The following TBK1 variants were observed in gnomAD, a reference collection of about 807,000 sequenced individuals.
TBK1 encodes the protein serine/threonine-protein kinase TBK1.
TBK1 carries 37 observed loss-of-function variants against 99.9 expected under a neutral mutation model. The ratio of observed to expected loss-of-function variants is 0.37; its 90% CI spans 0.28 to 0.49. The LOEUF is 0.49. TBK1 is among the 20% of genes least tolerant of loss of function. TBK1 has a pLI of 0.98. For missense variants in TBK1, 644 were observed against 872.5 expected (o/e 0.74, Z 3.30); for synonymous variants, 258 against 279.8 (o/e 0.92, Z 0.78).
intron 6 of TBK1, among the ~76,000 whole-genome samples, chr12:64,475,506 A>C (rs981055065): frequency 2.0e-5 from 3 of 152,310 alleles, no homozygotes; most frequent in East Asian, 3.9e-4. Flanking sequence ...GGATAATTAC[A>C]AGAATTGATT....
chr12:64,489,881 C>G (rs892634173), intron 12 of TBK1, among the ~76,000 whole-genome samples, 160 bp from the exon 13 acceptor site: 2 of 151,450 alleles, frequency 1.3e-5, no homozygotes, highest in Non-Finnish European at 2.9e-5. Context: ...TGGCCGGCAT[C>G]AGGTTTTTTT....
At chr12:64,492,798 C>T (rs1165548156) in intron 13 of TBK1, among the ~76,000 whole-genome samples, 1 of 151,782 alleles carries the variant, frequency 6.6e-6, no homozygotes, top group Non-Finnish European at 1.5e-5. Context: ...TCTCGGCTCA[C>T]TGCTACCTCC....
intron 3 of TBK1, among the ~76,000 whole-genome samples, chr12:64,461,182 G>A (rs1379730672): frequency 2.7e-5 from 4 of 150,908 alleles, no homozygotes; most frequent in African/African-American, 9.7e-5. Flanking sequence ...ATTATAAAGA[G>A]AAAAAATAAT....
At chr12:64,496,338 A>T (rs2040924703) in intron 15 of TBK1, 29 bp from the exon 16 acceptor site, 3 of 1,042,592 alleles carry the variant, frequency 2.9e-6, no homozygotes, top group Non-Finnish European at 2.8e-6. Context: ...TTCTATATTA[A>T]CAACAGTAAT....
At chr12:64,496,301 G>T in intron 15 of TBK1, 66 bp from the exon 16 acceptor site, 1 of 813,170 alleles carries the variant, frequency 1.2e-6, no homozygotes, top group South Asian at 2.0e-5. Context: ...AATCTCAAAA[G>T]AAAATACATT....
chr12:64,471,320 C>T (rs2136067277), intron 5 of TBK1, among the ~76,000 whole-genome samples: 1 of 151,232 alleles, frequency 6.6e-6, no homozygotes, highest in Non-Finnish European at 1.5e-5. Context: ...AGGTGCACAC[C>T]ACCACACCTG....
At chr12:64,481,727 A>T (rs1293913745) in intron 7 of TBK1, 115 bp from the exon 8 acceptor site, 5 of 723,824 alleles carry the variant, frequency 6.9e-6, no homozygotes, top group Non-Finnish European at 9.8e-6. Flanking sequence ...TTTTAAATTA[A>T]TCTAATATAG....
At chr12:64,467,228 G>A (rs1270214250) in intron 5 of TBK1, 146 bp downstream of exon 5, 2 of 567,208 alleles carry the variant, frequency 3.5e-6, no homozygotes, top group Non-Finnish European at 5.5e-6. Flanking sequence ...GTGCAACATG[G>A]GAATTAGGTA....
intron 4 of TBK1, among the ~76,000 whole-genome samples, chr12:64,465,477 C>T (rs1205048291): frequency 1.3e-5 from 2 of 148,198 alleles, no homozygotes; most frequent in African/African-American, 2.5e-5. Context: ...CTCCAGTGTA[C>T]TTAGCAGCAT....
At position 64,471,174 on chromosome 12, in the gene TBK1, T is replaced by C. The variant is rs58572977; in HGVS notation, c.541-3056T>C. Among the ~76,000 whole-genome samples, 422 of 151,814 alleles carry C rather than the reference T, an allele frequency of 2.8e-3. 1 individual carries two copies. The highest frequency in any genetic ancestry group is 9.9e-3 in the African/African-American group (407 of 41,218). ...ATTCTTCTACTGTTTTTTGTTTTTG[T>C]TGTTGTTGTTATTGTGACAGAGTCT... On this transcript the variant is annotated intron_variant, in intron 5 of 20. Coordinates refer to ENST00000331710, the MANE Select transcript of TBK1 (RefSeq NM_013254.4).
At position 64,495,786 on chromosome 12, in the gene TBK1, T is replaced by C; in HGVS notation, c.1720+11T>C. On this transcript the variant is annotated intron_variant, in intron 15 of 20. Coordinates refer to ENST00000331710, the MANE Select transcript of TBK1 (RefSeq NM_013254.4). ...ACAAAGCAGAACGTAGTAAGTAAAA[T>C]TTGCTATTTGTTAATTTAATAAATC... is the stretch of plus-strand genomic sequence containing the variant. 1 of 1,541,744 alleles carries C rather than the reference T, an allele frequency of 6.5e-7. No individual in the cohort carries two copies.
chr12:64,489,716 ATG>A (rs2040851043), intron 12 of TBK1, among the ~76,000 whole-genome samples: 1 of 150,224 alleles, frequency 6.7e-6, no homozygotes, highest in African/African-American at 2.4e-5. Context: ...CTACAGGTGC[ATG>A]CCACCACGCC....
intron 16 of TBK1, among the ~76,000 whole-genome samples, 156 bp from the exon 17 acceptor site, chr12:64,496,793 A>AT (rs2040929828): frequency 6.6e-6 from 1 of 152,174 alleles, no homozygotes; most frequent in Admixed American, 6.5e-5. Context: ...TGCTGCTATA[A>AT]TGTCTATCTT....
chr12:64,465,766 G>A (rs1359531820), intron 4 of TBK1, among the ~76,000 whole-genome samples: 1 of 152,168 alleles, frequency 6.6e-6, no homozygotes, highest in Non-Finnish European at 1.5e-5. Flanking sequence ...AGTGGTTTCT[G>A]GGGGATCAGG....
chr12:64,467,163 C>T, intron 5 of TBK1, 81 bp downstream of exon 5: 2 of 1,115,460 alleles, frequency 1.8e-6, no homozygotes, highest in Non-Finnish European at 2.4e-6. Flanking sequence ...TCAGCCAATT[C>T]ACTATAAAAT....
chr12:64,475,790 T>C (rs2040705567), intron 6 of TBK1, among the ~76,000 whole-genome samples: 1 of 152,212 alleles, frequency 6.6e-6, no homozygotes. Flanking sequence ...ATTGATTCTA[T>C]GTGTTTGCTA....
chr12:64,461,177 A>G (rs1181893480), intron 3 of TBK1, among the ~76,000 whole-genome samples: 2 of 151,910 alleles, frequency 1.3e-5, no homozygotes, highest in Non-Finnish European at 2.9e-5. Context: ...TAATAATTAT[A>G]AAGAGAAAAA....
At chr12:64,459,412 A>G (rs1014725556) in intron 2 of TBK1, among the ~76,000 whole-genome samples, 1 of 152,244 alleles carries the variant, frequency 6.6e-6, no homozygotes, top group Non-Finnish European at 1.5e-5. Flanking sequence ...TTGAACCTCT[A>G]AGATTCCCTC....
intron 8 of TBK1, among the ~76,000 whole-genome samples, 164 bp downstream of exon 8, chr12:64,482,185 T>C (rs1434899841): frequency 1.3e-5 from 2 of 152,224 alleles, no homozygotes; most frequent in Admixed American, 6.5e-5. Flanking sequence ...CACTTATTTT[T>C]GGAGTAAAAG....
Sources: gnomAD v4.1 joint callset for allele counts (sites outside exome capture counted in the v4.1 genomes callset) on GRCh38, gnomAD v4.1.1 for gene constraint, MANE v1.5 for transcripts, NCBI Gene and HGNC (gene_info 2026-07-23, HGNC 2026-07-21) for gene names.